The following NDUFA10 variants were observed in gnomAD, a reference collection of about 807,000 sequenced individuals.
The protein encoded by NDUFA10 is NADH dehydrogenase [ubiquinone] 1 alpha subcomplex subunit 10, mitochondrial.
Under a neutral mutation model 47.8 loss-of-function variants are expected in NDUFA10, and 40 were observed. That is an observed-to-expected ratio of 0.84 (90% CI 0.65 to 1.09). The LOEUF is 1.09. NDUFA10 is among the 50% of genes least tolerant of loss of function. The probability of loss-of-function intolerance (pLI) is 0.00; values close to 1 mark genes in which losing one functional copy is unlikely to be tolerated. For synonymous variants in NDUFA10, 183 were observed against 172.2 expected (o/e 1.06, Z -0.49); for missense variants, 413 against 451.1 (o/e 0.92, Z 0.76).
intron 9 of NDUFA10, among the ~76,000 whole-genome samples, chr2:239,961,623 C>T (rs1694855125): frequency 1.3e-5 from 2 of 152,330 alleles, no homozygotes; most frequent in South Asian, 4.1e-4. Flanking sequence ...GCGTGAAATT[C>T]CCTCTGAAGA....
downstream of NDUFA10, among the ~76,000 whole-genome samples, chr2:239,956,322 C>T (rs1162383715): frequency 6.6e-6 from 1 of 152,200 alleles, no homozygotes; most frequent in African/African-American, 2.4e-5. Flanking sequence ...GAGTGGCCAT[C>T]GTCACACACG....
rs114798489 is a variant in NDUFA10 at position 239,945,346 on chromosome 2, G to A, written c.294+44728C>T. Among the ~76,000 whole-genome samples the A allele has an allele frequency of 0.016, 2,385 of 152,328 alleles. 64 individuals carry two copies. Among genetic ancestry groups the A allele is most frequent in the African/African-American group, 0.054 (2,257 of 41,574 alleles). On this transcript the variant is annotated intron_variant, in intron 4 of 5. Coordinates refer to the NDUFA10 transcript ENST00000419408. The surrounding 1 kb of genome is among the most constrained non-coding windows in gnomAD (Gnocchi z 4.6). The stretch of plus-strand genomic sequence containing the variant: ...AGATCAGCAATTTGCCCAAAGTCAC[G>A]CTGCTGCTGAGTGGAGACAGGAAAT...
chr2:239,905,495 AC>A (rs1693634179), intron 4 of NDUFA10, among the ~76,000 whole-genome samples: 1 of 152,214 alleles, frequency 6.6e-6, no homozygotes. Flanking sequence ...ATGTGCGTCT[AC>A]ACGCGTGTGA....
intron 9 of NDUFA10, among the ~76,000 whole-genome samples, chr2:239,978,737 G>A (rs1461688976): frequency 6.6e-6 from 1 of 152,216 alleles, no homozygotes. Flanking sequence ...AAAAGGAAGA[G>A]CTGCTGTTCT....
intron 4 of NDUFA10, among the ~76,000 whole-genome samples, chr2:239,914,596 GACAC>G (rs1175757493): frequency 1.8e-5 from 2 of 114,188 alleles, no homozygotes; most frequent in African/African-American, 4.0e-5. Context: ...TACATACATA[GACAC>G]ACACAAATAT....
intron 4 of NDUFA10, chr2:240,017,667 G>A (rs755094181): frequency 1.1e-4 from 72 of 650,492 alleles, no homozygotes; most frequent in East Asian, 1.0e-3. Context: ...GACCTGACCC[G>A]CTGCTCAGCA....
At chr2:240,000,486 T>A (rs1696663554) in intron 8 of NDUFA10, among the ~76,000 whole-genome samples, 1 of 152,252 alleles carries the variant, frequency 6.6e-6, no homozygotes, top group African/African-American at 2.4e-5. Flanking sequence ...GAAAAAAATT[T>A]AAGTTTATAA....
chr2:239,988,014 T>C (rs574033725), intron 9 of NDUFA10, among the ~76,000 whole-genome samples: 2 of 151,966 alleles, frequency 1.3e-5, no homozygotes, highest in African/African-American at 2.4e-5. Flanking sequence ...AAAAAATACA[T>C]AGAACAGGTA....
chr2:239,926,959 T>A (rs1350274324), intron 4 of NDUFA10, among the ~76,000 whole-genome samples: 1 of 151,964 alleles, frequency 6.6e-6, no homozygotes, highest in Non-Finnish European at 1.5e-5. Context: ...CAGGGGAGCT[T>A]CTCTTTATAA....
intron 4 of NDUFA10, chr2:240,017,954 C>G (rs1189622748): frequency 8.2e-6 from 12 of 1,461,916 alleles, no homozygotes; most frequent in Non-Finnish European, 1.1e-5. Context: ...GCCTATTCAA[C>G]CCACCGCCCA....
intron 4 of NDUFA10, among the ~76,000 whole-genome samples, chr2:239,913,406 C>T (rs368561187): frequency 1.3e-5 from 2 of 152,264 alleles, no homozygotes; most frequent in African/African-American, 2.4e-5. Context: ...GACTCTGCCA[C>T]GATGGGCGGG....
intron 4 of NDUFA10, among the ~76,000 whole-genome samples, chr2:239,912,169 G>A (rs11690373): frequency 0.17 from 26,504 of 152,082 alleles, 2,570 homozygotes; most frequent in African/African-American, 0.25. Context: ...GGGTCTGGGC[G>A]GCACACAGAG....
chr2:239,982,560 A>C (rs78230824), intron 9 of NDUFA10, among the ~76,000 whole-genome samples: 15 of 152,152 alleles, frequency 9.9e-5, no homozygotes, highest in African/African-American at 2.9e-4. Flanking sequence ...CATGTTCTCC[A>C]TCTGTTCTGA....
intron 9 of NDUFA10, among the ~76,000 whole-genome samples, chr2:239,984,099 A>G (rs1340587454): frequency 1.3e-5 from 2 of 152,008 alleles, no homozygotes; most frequent in African/African-American, 4.8e-5. Flanking sequence ...TGGGCATGGT[A>G]GCAGGCACCT....
intron 9 of NDUFA10, among the ~76,000 whole-genome samples, chr2:239,966,852 T>C (rs927557657): frequency 2.1e-4 from 20 of 96,940 alleles, no homozygotes; most frequent in Middle Eastern, 4.3e-3. Context: ...GGATTTCTTT[T>C]TTTTTTTTTT....
intron 4 of NDUFA10, among the ~76,000 whole-genome samples, chr2:239,897,632 G>A (rs145649494): frequency 3.4e-3 from 519 of 152,290 alleles, no homozygotes; most frequent in African/African-American, 0.012. Context: ...CCAGGCTTCC[G>A]GATTCCAGGC....
intron 2 of NDUFA10, among the ~76,000 whole-genome samples, chr2:240,021,857 G>T (rs1164589178): frequency 1.3e-5 from 2 of 152,156 alleles, no homozygotes; most frequent in East Asian, 1.9e-4. Flanking sequence ...CTCTATTTCA[G>T]AGGCTGTCAC....
intron 9 of NDUFA10, among the ~76,000 whole-genome samples, chr2:239,969,016 G>A (rs1447523298): frequency 1.3e-5 from 2 of 152,186 alleles, no homozygotes; most frequent in Non-Finnish European, 2.9e-5. Context: ...CTTAACTGCT[G>A]TCAGAAAAAA....
chr2:240,025,254 C>T lies in NDUFA10; in HGVS notation c.48G>A (p.Arg16=), dbSNP rs1329986779. The T allele has an allele frequency of 6.7e-7, 1 of 1,500,524 alleles. No individual in the cohort carries two copies. Among genetic ancestry groups the T allele is most frequent in the Admixed American group, 2.2e-5 (1 of 45,240 alleles). The allele number at this position is 1,500,524 out of a possible 1,614,324, so 93.0% of individuals were successfully genotyped here. The change falls in exon 1 of 10, where the codon CGG becomes CGA. Residue 16 remains arginine (R), a synonymous_variant. Transcript: ENST00000252711. The stretch of plus-strand genomic sequence containing the variant: ...CGCGCTGGGCGCCCGCCGCCACGAC[C>T]CGGGCGGACGCGGACGTCGCTGCCA... The part of the protein sequence containing the change: ...LKLAATSASA[R]VVAAGAQRVR...
Sources: allele counts gnomAD v4.1 joint callset (sites outside exome capture counted in the v4.1 genomes callset), GRCh38; gene constraint gnomAD v4.1.1; non-coding constraint Gnocchi (gnomAD v3.1); transcripts MANE v1.5; gene names NCBI Gene and HGNC (gene_info 2026-07-23, HGNC 2026-07-21).